EVC: variants seen among roughly 807,000 people sequenced by gnomAD.
The protein encoded by EVC is evC complex member EVC.
Under a neutral mutation model 118.9 loss-of-function variants are expected in EVC, and 116 were observed. That is an observed-to-expected ratio of 0.98 (90% CI 0.84 to 1.14). The LOEUF is 1.14. Among genes scored for constraint, EVC ranks in the 50% most tolerant of loss-of-function variants. The pLI is 0.00. For synonymous variants in EVC, 619 were observed against 534.7 expected (o/e 1.16, Z -2.18); for missense variants, 1,401 against 1,246.4 (o/e 1.12, Z -1.87).
rs1428718286 is a variant in EVC, at chr4:5,719,514, C to T, written c.300+141C>T. ...GCTTTTCTGAGGCATAATTTACATA[C>T]AGTCAAATGCGCAGACTTTAGGTTT... On this transcript the variant is annotated intron_variant, in intron 2 of 20. Transcript: ENST00000264956. The surrounding 1 kb of genome is among the most constrained non-coding windows in gnomAD (Gnocchi z 4.7). 8.2e-7 allele frequency: 1 copy of T among 1,222,766 alleles called. No homozygotes were observed. The highest frequency in any genetic ancestry group is 2.4e-5 in the East Asian group (1 of 42,064). The allele number at this position is 1,222,766 out of a possible 1,614,324, so 75.7% of individuals were successfully genotyped here.
In EVC at chr4:5,789,128, C is replaced by T. The variant is rs974417778; in HGVS notation, c.1777-4480C>T. 6.6e-6 allele frequency among the ~76,000 whole-genome samples: 1 copy of T among 152,192 alleles called. No homozygotes were observed. Among genetic ancestry groups the T allele is most frequent in the South Asian group, 2.1e-4 (1 of 4,828 alleles). On this transcript the variant is annotated intron_variant, in intron 12 of 20. Transcript: ENST00000264956. The surrounding 1 kb of genome is among the most constrained non-coding windows in gnomAD (Gnocchi z 4.3). ...GTTAGTGATACTGGAAATAATTGGG[C>T]ATCTTACAGTCGTCAGCACAATAGA... is the stretch of plus-strand genomic sequence containing the variant.
At chr4:5,784,408 G>A (rs1174757756) in intron 12 of EVC, among the ~76,000 whole-genome samples, 2 of 152,030 alleles carry the variant, frequency 1.3e-5, no homozygotes, top group African/African-American at 4.8e-5. Context: ...TCTAGAAGCT[G>A]GAAAGGTCAA....
rs1009418558 is a variant in EVC, at chr4:5,795,661, TAAAC to T, written c.1887-1353_1887-1350del. 2.8e-4 allele frequency among the ~76,000 whole-genome samples: 43 copies of T among 151,984 alleles called. 1 individual carries two copies. The highest frequency in any genetic ancestry group is 6.5e-4 in the African/African-American group (27 of 41,470). ...AGTGAGACTCCATCTCAAAAACAAA[TAAAC>T]AAACAAAGAAGAGGATGGAAACATA... On this transcript the variant is annotated intron_variant, in intron 13 of 20. Transcript: ENST00000264956.
At chr4:5,725,044 A>G (rs1725594818) in intron 2 of EVC, among the ~76,000 whole-genome samples, 1 of 152,148 alleles carries the variant, frequency 6.6e-6, no homozygotes, top group African/African-American at 2.4e-5. Context: ...TGCCCCTGTA[A>G]AGGACACGAT....
chr4:5,740,637 A>G (rs928599655), intron 5 of EVC, among the ~76,000 whole-genome samples: 1 of 152,208 alleles, frequency 6.6e-6, no homozygotes, highest in African/African-American at 2.4e-5. Flanking sequence ...GACCTCTTTA[A>G]GAAGATGAGA....
chr4:5,767,097 G>C (rs1224012107), intron 11 of EVC, among the ~76,000 whole-genome samples: 1 of 150,770 alleles, frequency 6.6e-6, no homozygotes, highest in Non-Finnish European at 1.5e-5. Flanking sequence ...TGTCCTTTCT[G>C]TTTGTTAGTT....
At chr4:5,723,683 T>C (rs1275412170) in intron 2 of EVC, among the ~76,000 whole-genome samples, 1 of 152,082 alleles carries the variant, frequency 6.6e-6, no homozygotes, top group African/African-American at 2.4e-5. Context: ...GTGTCTCCCC[T>C]GGACAGTCAG....
chr4:5,733,040 GA>G (rs1727089965), intron 4 of EVC, among the ~76,000 whole-genome samples: 1 of 151,958 alleles, frequency 6.6e-6, no homozygotes, highest in African/African-American at 2.4e-5. Flanking sequence ...TTTTTTTTTA[GA>G]AAATACTCAA....
At chr4:5,735,061 C>T (rs371523565) in intron 5 of EVC, among the ~76,000 whole-genome samples, 2 of 152,248 alleles carry the variant, frequency 1.3e-5, no homozygotes, top group Non-Finnish European at 2.9e-5. Context: ...CAGCATCACT[C>T]ACCATCCAGC....
intron 2 of EVC, among the ~76,000 whole-genome samples, chr4:5,722,184 G>A (rs541760790): frequency 2.6e-5 from 4 of 152,246 alleles, no homozygotes; most frequent in East Asian, 1.9e-4. Flanking sequence ...TGCCATTCCC[G>A]AGTCACCCAG....
At chr4:5,723,375 G>A (rs1423745350) in intron 2 of EVC, among the ~76,000 whole-genome samples, 2 of 151,922 alleles carry the variant, frequency 1.3e-5, no homozygotes, top group Non-Finnish European at 2.9e-5. Flanking sequence ...TTTTTTAGTA[G>A]AGGCGGGCTT....
intron 14 of EVC, among the ~76,000 whole-genome samples, chr4:5,797,866 A>G (rs2152342999): frequency 6.6e-6 from 1 of 152,382 alleles, no homozygotes; most frequent in African/African-American, 2.4e-5. Flanking sequence ...GGTATGGTAG[A>G]GAAGGCCTCT....
chr4:5,823,283 ACTTTT>A, the EVC span, among the ~76,000 whole-genome samples: 5 of 152,152 alleles, frequency 3.3e-5, no homozygotes, highest in African/African-American at 1.2e-4. Context: ...CACAGTAGTG[ACTTTT>A]CTTTTCTCCC....
In EVC at chr4:5,730,968, G is replaced by A. The variant is rs532199909; in HGVS notation, c.385-457G>A. On this transcript the variant is annotated intron_variant, in intron 3 of 20. Transcript: ENST00000264956. ...CTTGATTAGGAGCGTGGAGCCTGTC[G>A]GTGGGCAGAGGGCAGGAGGGTGACT... is the stretch of plus-strand genomic sequence containing the variant. Among the ~76,000 whole-genome samples, 8 of 152,074 alleles carry A rather than the reference G, an allele frequency of 5.3e-5. No homozygotes were observed. In the South Asian group the frequency reaches 8.3e-4, roughly 16 times the overall value.
chr4:5,782,518 C>T (rs538723497), intron 11 of EVC, among the ~76,000 whole-genome samples: 26 of 134,088 alleles, frequency 1.9e-4, no homozygotes, highest in African/African-American at 4.3e-4. Context: ...CTCAGCCTCC[C>T]GCTTCCATGT....
chr4:5,817,119 T>A (rs758677973), downstream of EVC, among the ~76,000 whole-genome samples: 2 of 152,234 alleles, frequency 1.3e-5, no homozygotes. Context: ...TTTGCCCACA[T>A]GGCTACAAGT....
intron 3 of EVC, among the ~76,000 whole-genome samples, chr4:5,730,465 G>A (rs1358750192): frequency 4.0e-5 from 6 of 151,836 alleles, no homozygotes; most frequent in Admixed American, 1.3e-4. Flanking sequence ...CATCCTTCAC[G>A]TGGTTGAAGG....
chr4:5,828,442 C>T, the EVC span: 8 of 1,591,552 alleles, frequency 5.0e-6, no homozygotes, highest in African/African-American at 6.7e-5. Context: ...GAGACGCTGT[C>T]GGCTCTGGTC....
rs187696452 is a variant in EVC at position 5,725,052 on chromosome 4, G to A, written c.301-4255G>A. 7.2e-5 allele frequency among the ~76,000 whole-genome samples: 11 copies of A among 152,248 alleles called. No homozygotes were observed. The East Asian group carries it at 2.1e-3, about 29-fold the overall frequency. On this transcript the variant is annotated intron_variant, in intron 2 of 20. Coordinates refer to ENST00000264956, the MANE Select transcript of EVC (RefSeq NM_153717.3). ...CCATCTATGCCCCTGTAAAGGACAC[G>A]ATCTTGTTCCTTTTTATGGCTGCAT... is the stretch of plus-strand genomic sequence containing the variant.
Sources: gnomAD v4.1 joint callset for allele counts (sites outside exome capture counted in the v4.1 genomes callset) on GRCh38, gnomAD v4.1.1 for gene constraint, Gnocchi (gnomAD v3.1) non-coding constraint, MANE v1.5 for transcripts, NCBI Gene and HGNC (gene_info 2026-07-23, HGNC 2026-07-21) for gene names.